MDGA1: variants seen among roughly 807,000 people sequenced by gnomAD.
The protein encoded by MDGA1 is MAM domain containing glycosylphosphatidylinositol anchor 1, also known as MAM domain-containing glycosylphosphatidylinositol anchor protein 1.
A neutral mutation model predicts 101.5 loss-of-function variants in MDGA1; 54 were observed. That is an observed-to-expected ratio of 0.53 (90% CI 0.43 to 0.67). The LOEUF is 0.67. Ranked by LOEUF, MDGA1 falls within the 30% of genes least tolerant of loss-of-function variation. The probability of loss-of-function intolerance (pLI) is 0.00; values close to 1 mark genes in which losing one functional copy is unlikely to be tolerated. For synonymous variants in MDGA1, 533 were observed against 558.3 expected, an observed-to-expected ratio of 0.95 and a Z score of 0.64; for missense variants, 1,083 against 1,323.8, an observed-to-expected ratio of 0.82 and a Z score of 2.82.
chr6:37,644,674 CAAAG>C (rs1764184223), intron 12 of MDGA1, 25 bp from the exon 13 acceptor site: 1 of 1,527,668 alleles, frequency 6.5e-7, no homozygotes, highest in African/African-American at 1.4e-5. Context: ...GCGAATGAGA[CAAAG>C]AGTCAGCCTC....
intron 2 of MDGA1, among the ~76,000 whole-genome samples, chr6:37,658,662 G>A (rs1418478316): frequency 2.6e-5 from 4 of 152,202 alleles, no homozygotes; most frequent in African/African-American, 4.8e-5. Flanking sequence ...AATGGGGCGC[G>A]CAGTGCCGTG....
Position 37,652,251 on chromosome 6 carries a change from G to A in MDGA1, c.1072C>T (p.His358Tyr), listed in dbSNP as rs1267043895. Reference protein sequence around the residue: ...QLGQDLKLSCHVDAVPQEKVT... With the variant: ...QLGQDLKLSCYVDAVPQEKVT... ...TTCTCCTGGGGCACTGCATCCACGT[G>A]GCACGATAGCTTCAGGTCCTGGCCC... is the stretch of plus-strand genomic sequence containing the variant. The change falls in exon 7 of 17, where the codon CAC becomes TAC. Residue 358 changes from histidine to tyrosine, a missense_variant. His to Tyr is a moderately conservative substitution (Grantham distance 83, BLOSUM62 2). Coordinates refer to ENST00000434837, the MANE Select transcript of MDGA1 (RefSeq NM_153487.4). This position sits in a 1 kb window ranked among gnomAD's most constrained non-coding sequence, Gnocchi z 4.3. 2 of 1,613,864 alleles carry A rather than the reference G, an allele frequency of 1.2e-6. No homozygotes were observed. Among genetic ancestry groups the A allele is most frequent in the Non-Finnish European group, 1.7e-6 (2 of 1,179,890 alleles).
intron 11 of MDGA1, 121 bp from the exon 12 acceptor site, chr6:37,646,077 C>T (rs776677598): frequency 6.3e-6 from 10 of 1,575,788 alleles, no homozygotes; most frequent in Non-Finnish European, 8.7e-6. Context: ...CGGATCTGGC[C>T]TGCAGTGACA....
intron 1 of MDGA1, among the ~76,000 whole-genome samples, chr6:37,688,406 G>C (rs1762242335): frequency 6.6e-6 from 1 of 152,146 alleles, no homozygotes; most frequent in Admixed American, 6.5e-5. Flanking sequence ...ATGTATCTCG[G>C]CTGAGTTTCT....
chr6:37,638,806 G>T lies in MDGA1; in HGVS notation c.2537-139C>A, dbSNP rs901452718. On this transcript the variant is annotated intron_variant, in intron 14 of 16. Transcript: ENST00000434837. This position sits in a 1 kb window ranked among gnomAD's most constrained non-coding sequence, Gnocchi z 4.8. ...AGGACCTCCTCCCCATGCCCAGCTG[G>T]GTGCAATGTCCCATTCCTGCAGGGA... The T allele has an allele frequency of 1.7e-5, 20 of 1,166,252 alleles. No homozygotes were observed. The African/African-American group carries it at 2.5e-4, about 14-fold the overall frequency. 72.2% of individuals were successfully genotyped at this position (1,166,252 alleles called of 1,614,324 possible). A position where few individuals can be genotyped will look rare whatever the true frequency, so the allele number is the denominator to read the frequency against.
At position 37,649,233 on chromosome 6, in the gene MDGA1, A is replaced by C; in HGVS notation, c.1643T>G (p.Val548Gly). The C allele has an allele frequency of 6.6e-7, 1 of 1,508,268 alleles. No individual in the cohort carries two copies. The highest frequency in any genetic ancestry group is 8.8e-7 in the Non-Finnish European group (1 of 1,136,518). The allele number at this position is 1,508,268 out of a possible 1,614,324, so 93.4% of individuals were successfully genotyped here. ...PPEVEPSSQDVRQALGRPVLL... is the reference protein window; with the variant it reads ...PPEVEPSSQDGRQALGRPVLL... ...CACGGGCCGGCCCAGCGCCTGGCGC[A>C]CGTCCTGGGAACTGGGCTCCACCTC... Residue 548 changes from valine to glycine, a missense_variant, in exon 9 of 17, where the codon GTG becomes GGG. Physicochemically the swap from Val to Gly is moderately radical, Grantham distance 109 (BLOSUM62 -3). Transcript: ENST00000434837.
Position 37,650,337 on chromosome 6 carries a change from G to A in MDGA1, c.1381C>T (p.Leu461=). ...VTVREGSPAE[L]QCEVRGKPRP... ...GGCTTGCCCCGCACCTCGCATTGCAGCTCGGCAGGCGATCCCTCGCGCACG... is the reference window on the plus strand; with the variant it reads ...GGCTTGCCCCGCACCTCGCATTGCAACTCGGCAGGCGATCCCTCGCGCACG... Residue 461 remains leucine (L), a synonymous_variant, in exon 8 of 17, where the codon CTG becomes TTG. Coordinates refer to ENST00000434837, the MANE Select transcript of MDGA1 (RefSeq NM_153487.4). 3 of 1,581,850 alleles carry A rather than the reference G, an allele frequency of 1.9e-6. No homozygotes were observed. The highest frequency in any genetic ancestry group is 2.6e-6 in the Non-Finnish European group (3 of 1,166,224).
chr6:37,650,274 C>G lies in MDGA1; in HGVS notation c.1444G>C (p.Ala482Pro), dbSNP rs767727903. The G allele has an allele frequency of 1.2e-6, 2 of 1,607,510 alleles. No homozygotes were observed. Among genetic ancestry groups the G allele is most frequent in the East Asian group, 4.5e-5 (2 of 44,748 alleles). Reference sequence around the variant, plus strand: ...GGCAGCCCCGAGGGCAGCAGTGCAGCCTCCTTGTCCACGCGGGACCAGAGC... The same window carrying G: ...GGCAGCCCCGAGGGCAGCAGTGCAGGCTCCTTGTCCACGCGGGACCAGAGC... ...PVLWSRVDKE[A>P]ALLPSGLPLE... Residue 482 changes from alanine (A) to proline (P), a missense_variant, in exon 8 of 17, where the codon GCT (alanine) becomes CCT (proline). Transcript: ENST00000434837.
At chr6:37,681,010 G>C (rs1762085530) in intron 1 of MDGA1, among the ~76,000 whole-genome samples, 1 of 149,284 alleles carries the variant, frequency 6.7e-6, no homozygotes, top group South Asian at 2.2e-4. Context: ...CCCCCCCCCA[G>C]GAAACCTGGG....
chr6:37,682,854 T>C (rs1056355386), intron 1 of MDGA1, among the ~76,000 whole-genome samples: 1 of 152,136 alleles, frequency 6.6e-6, no homozygotes, highest in African/African-American at 2.4e-5. Context: ...TACAACAGGG[T>C]AGAAGTGCTG....
In MDGA1 at chr6:37,664,984, G is replaced by GA. The variant is rs1318250823; in HGVS notation, c.68-879_68-878insT. Among the ~76,000 whole-genome samples, 5 of 5,398 alleles carry GA rather than the reference G, an allele frequency of 9.3e-4. No individual in the cohort carries two copies. In the East Asian group the frequency reaches 0.024, roughly 26 times the overall value. 3.5% of individuals were successfully genotyped at this position (5,398 alleles called of 152,430 possible). A position where few individuals can be genotyped will look rare whatever the true frequency, so the allele number is the denominator to read the frequency against. Reference sequence around the variant, plus strand: ...AGCCTGTGTCCAGCTTCTTCTCCAAGGACAGAAATGCTCACAGAAGTTGGG... The same window carrying GA: ...AGCCTGTGTCCAGCTTCTTCTCCAAGAGACAGAAATGCTCACAGAAGTTGGG... On this transcript the variant is annotated intron_variant, in intron 1 of 16. Coordinates refer to ENST00000434837, the MANE Select transcript of MDGA1 (RefSeq NM_153487.4).
At chr6:37,687,929 G>A (rs1297058363) in intron 1 of MDGA1, among the ~76,000 whole-genome samples, 1 of 152,048 alleles carries the variant, frequency 6.6e-6, no homozygotes, top group Non-Finnish European at 1.5e-5. Context: ...AGAGAACCAA[G>A]GGAGGTCCCT....
intron 1 of MDGA1, among the ~76,000 whole-genome samples, chr6:37,693,636 C>T (rs541848266): frequency 1.3e-5 from 2 of 152,338 alleles, no homozygotes; most frequent in East Asian, 1.9e-4. Flanking sequence ...TGTTCCCTGA[C>T]GCTATCCGCA....
chr6:37,643,134 T>A (rs1186498772), intron 14 of MDGA1: 1 of 152,248 alleles, frequency 6.6e-6, no homozygotes, highest in Non-Finnish European at 1.5e-5. Context: ...ACTTCCCTCA[T>A]CTGGTGGCTG....
chr6:37,638,991 GGA>G lies in MDGA1; in HGVS notation c.2537-326_2537-325del. The stretch of plus-strand genomic sequence containing the variant: ...ACCCTACCCTTCCCCTCTAGGCAAG[GGA>G]GCTGTCCCAGGGCAGTGGGACCTCT... On this transcript the variant is annotated intron_variant, in intron 14 of 16. Transcript: ENST00000434837. The surrounding 1 kb of genome is among the most constrained non-coding windows in gnomAD (Gnocchi z 4.8). 3.8e-6 allele frequency: 1 copy of G among 264,408 alleles called. No homozygotes were observed. The highest frequency in any genetic ancestry group is 5.3e-5 in the South Asian group (1 of 18,824). 16.4% of individuals were successfully genotyped at this position (264,408 alleles called of 1,614,324 possible).
rs1424864368 is a variant in MDGA1, at chr6:37,696,308, C to G, written c.67+437G>C. ...GGGGAAGGCGAGCCCGCCGCCCGGC[C>G]TTGGTGCTGACAGCCGGCTCGCCCG... On this transcript the variant is annotated intron_variant, in intron 1 of 16. Coordinates refer to ENST00000434837, the MANE Select transcript of MDGA1 (RefSeq NM_153487.4). The surrounding 1 kb of genome is among the most constrained non-coding windows in gnomAD (Gnocchi z 5.6). Among the ~76,000 whole-genome samples, 1 of 152,146 alleles carries G rather than the reference C, an allele frequency of 6.6e-6. No homozygotes were observed. The highest frequency in any genetic ancestry group is 1.5e-5 in the Non-Finnish European group (1 of 68,012).
At chr6:37,651,167 T>A (rs1761351172) in intron 7 of MDGA1, among the ~76,000 whole-genome samples, 2 of 152,374 alleles carry the variant, frequency 1.3e-5, no homozygotes, top group South Asian at 4.1e-4. Context: ...CAGTTTTACA[T>A]GAAGAAGAAA....
rs149419884 is a variant in MDGA1, at chr6:37,634,111, C to G, written c.*3257G>C. 6.5e-6 allele frequency: 1 copy of G among 152,774 alleles called. No homozygotes were observed. Among genetic ancestry groups the G allele is most frequent in the African/African-American group, 2.4e-5 (1 of 41,450 alleles). 9.5% of individuals were successfully genotyped at this position (152,774 alleles called of 1,614,324 possible). A position where few individuals can be genotyped will look rare whatever the true frequency, so the allele number is the denominator to read the frequency against. The stretch of plus-strand genomic sequence containing the variant: ...CAGGCTTCACTCAGCACCCTAGGAG[C>G]CTGTCTGTGCTCCCAAGGGCAGGAT... On this transcript the variant is annotated 3_prime_UTR_variant, in exon 17 of 17. Coordinates refer to ENST00000434837, the MANE Select transcript of MDGA1 (RefSeq NM_153487.4). The surrounding 1 kb of genome is among the most constrained non-coding windows in gnomAD (Gnocchi z 4.7).
chr6:37,657,358 A>C (rs1392713222), intron 3 of MDGA1, among the ~76,000 whole-genome samples: 2 of 152,164 alleles, frequency 1.3e-5, no homozygotes, highest in East Asian at 3.9e-4. Flanking sequence ...GCAGCCCATC[A>C]TTCTGCCCCT....
Sources: gnomAD v4.1 joint callset for allele counts (sites outside exome capture counted in the v4.1 genomes callset) on GRCh38, gnomAD v4.1.1 for gene constraint, Gnocchi (gnomAD v3.1) non-coding constraint, MANE v1.5 for transcripts, NCBI Gene and HGNC (gene_info 2026-07-23, HGNC 2026-07-21) for gene names.